Variants in SYN2 observed in about 807,000 individuals in gnomAD.
The protein encoded by SYN2 is synapsin II.
In SYN2, 19 loss-of-function variants were observed where a neutral mutation model predicts 50.9. The observed-to-expected ratio is 0.37, with a 90% CI of 0.26 to 0.55. SYN2 has a LOEUF of 0.55. SYN2 is among the 20% of genes least tolerant of loss of function. The probability of loss-of-function intolerance (pLI) is 0.81; values close to 1 mark genes in which losing one functional copy is unlikely to be tolerated. For synonymous variants in SYN2, 255 were observed against 224.9 expected (o/e 1.13, Z -1.20); for missense variants, 587 against 576.4 (o/e 1.02, Z -0.19).
At chr3:12,040,365 T>G (rs1694584440) in intron 1 of SYN2, among the ~76,000 whole-genome samples, 1 of 151,518 alleles carries the variant, frequency 6.6e-6, no homozygotes, top group Non-Finnish European at 1.5e-5. Context: ...TTACTTCTGA[T>G]GGAAGCCAGA....
chr3:12,080,812 A>G lies in SYN2; in HGVS notation c.378-59839A>G, dbSNP rs181959299. Among the ~76,000 whole-genome samples, 39 of 152,278 alleles carry G rather than the reference A, an allele frequency of 2.6e-4. 1 individual carries two copies. The highest frequency in any genetic ancestry group is 4.6e-4 in the Admixed American group (7 of 15,294). On this transcript the variant is annotated intron_variant, in intron 1 of 12. Coordinates refer to ENST00000621198, the MANE Select transcript of SYN2 (RefSeq NM_133625.6). ...GGGGTGGAGAGTTCTGTAGATATCT[A>G]TCAGGTCCACTTGATCCAGAGCTGA... is the stretch of plus-strand genomic sequence containing the variant.
intron 1 of SYN2, among the ~76,000 whole-genome samples, chr3:12,112,894 C>A (rs1198504761): frequency 6.6e-6 from 1 of 152,104 alleles, no homozygotes; most frequent in Non-Finnish European, 1.5e-5. Flanking sequence ...GTAGTAAATT[C>A]TATGATAGTC....
intron 1 of SYN2, among the ~76,000 whole-genome samples, chr3:12,085,551 A>G (rs1275341363): frequency 6.6e-6 from 1 of 152,184 alleles, no homozygotes; most frequent in Non-Finnish European, 1.5e-5. Context: ...CAGAAGTCAT[A>G]TTGCGTATCT....
At chr3:12,089,539 G>A (rs1274613830) in intron 1 of SYN2, among the ~76,000 whole-genome samples, 2 of 152,200 alleles carry the variant, frequency 1.3e-5, no homozygotes, top group Non-Finnish European at 2.9e-5. Flanking sequence ...GCTGGGTACA[G>A]CAGCATGTGC....
At chr3:12,099,520 A>G (rs1696019223) in intron 1 of SYN2, among the ~76,000 whole-genome samples, 1 of 152,196 alleles carries the variant, frequency 6.6e-6, no homozygotes, top group African/African-American at 2.4e-5. Flanking sequence ...AACATACCAT[A>G]TTGAAATCTG....
At chr3:12,134,415 G>T (rs1696853622) in intron 1 of SYN2, among the ~76,000 whole-genome samples, 1 of 152,206 alleles carries the variant, frequency 6.6e-6, no homozygotes, top group South Asian at 2.1e-4. Flanking sequence ...TCACTGTTCA[G>T]CCAGCAGTGT....
At position 12,004,793 on chromosome 3, in the gene SYN2, GCTT is replaced by G. The variant is rs1232140609; in HGVS notation, c.247_249del (p.Phe83del). 2.7e-6 allele frequency: 1 copy of G among 376,884 alleles called. No individual in the cohort carries two copies. Among genetic ancestry groups the G allele is most frequent in the Non-Finnish European group, 4.7e-6 (1 of 214,866 alleles). The allele number at this position is 376,884 out of a possible 1,614,324, so 23.3% of individuals were successfully genotyped here. A position where few individuals can be genotyped will look rare whatever the true frequency, so the allele number is the denominator to read the frequency against. ...GCGCCGACGCCGTCGGTGGGCAGCA[GCTT>G]CTTCAGCTCGCTGTCCCAAGCCGTG... On this transcript the variant is annotated inframe_deletion, in exon 1 of 13. Coordinates refer to ENST00000621198, the MANE Select transcript of SYN2 (RefSeq NM_133625.6).
At chr3:12,036,937 G>A (rs1694510673) in intron 1 of SYN2, among the ~76,000 whole-genome samples, 1 of 152,186 alleles carries the variant, frequency 6.6e-6, no homozygotes, top group African/African-American at 2.4e-5. Context: ...ACACTTTGCT[G>A]CTTAGATGTT....
chr3:12,083,731 C>A (rs1695630027), intron 1 of SYN2, among the ~76,000 whole-genome samples: 1 of 152,182 alleles, frequency 6.6e-6, no homozygotes, highest in African/African-American at 2.4e-5. Context: ...ACCTAGTGGT[C>A]TCTGGTGAGA....
At chr3:12,110,651 G>C (rs904374289) in intron 1 of SYN2, among the ~76,000 whole-genome samples, 1 of 152,180 alleles carries the variant, frequency 6.6e-6, no homozygotes, top group Admixed American at 6.5e-5. Context: ...CTTGACTTCT[G>C]TGCACTTGTA....
intron 1 of SYN2, among the ~76,000 whole-genome samples, chr3:12,114,790 C>T (rs1466935711): frequency 1.3e-5 from 2 of 152,108 alleles, no homozygotes; most frequent in Non-Finnish European, 2.9e-5. Flanking sequence ...TCTTCCCCAC[C>T]TTCTCCACAG....
At chr3:12,085,187 T>C (rs930047144) in intron 1 of SYN2, among the ~76,000 whole-genome samples, 2 of 150,222 alleles carry the variant, frequency 1.3e-5, no homozygotes, top group Admixed American at 6.6e-5. Context: ...AATGAAGGGA[T>C]GGGAAAAGAT....
chr3:12,104,258 A>G (rs969918754), intron 1 of SYN2, among the ~76,000 whole-genome samples: 1 of 152,156 alleles, frequency 6.6e-6, no homozygotes, highest in African/African-American at 2.4e-5. Flanking sequence ...TCAGCTGCCT[A>G]GCTGGGACTC....
chr3:12,100,980 CAA>C (rs1293122544), intron 1 of SYN2, among the ~76,000 whole-genome samples: 16 of 152,104 alleles, frequency 1.1e-4, no homozygotes, highest in Admixed American at 9.8e-4. Context: ...TGGACAATAA[CAA>C]GTGTTGGTGA....
At chr3:12,089,235 A>G (rs550173070) in intron 1 of SYN2, among the ~76,000 whole-genome samples, 25 of 152,322 alleles carry the variant, frequency 1.6e-4, no homozygotes, top group Non-Finnish European at 1.3e-4. Context: ...AGGCCTCACA[A>G]TCATGGTGGA....
intron 1 of SYN2, among the ~76,000 whole-genome samples, chr3:12,078,185 T>A (rs1695511727): frequency 6.7e-6 from 1 of 150,252 alleles, no homozygotes. Flanking sequence ...TGTAAATTTG[T>A]TTAAACTCTT....
intron 1 of SYN2, among the ~76,000 whole-genome samples, chr3:12,058,144 G>C (rs1467366469): frequency 1.3e-5 from 2 of 152,172 alleles, no homozygotes; most frequent in African/African-American, 4.8e-5. Flanking sequence ...AGATAAGTAG[G>C]CCATCTGGAG....
chr3:12,183,294 T>C lies in SYN2; in HGVS notation c.1309-18T>C, dbSNP rs1698263944. 8 of 1,594,880 alleles carry C rather than the reference T, an allele frequency of 5.0e-6. No homozygotes were observed. The highest frequency in any genetic ancestry group is 6.8e-6 in the Non-Finnish European group (8 of 1,174,374). On this transcript the variant is annotated intron_variant, in intron 10 of 12. Transcript: ENST00000621198. ...GGCTTGGAGTTTTGTTTTTATCTCT[T>C]ACATTTTTGTCTTCCAGAGCGGAAC...
intron 1 of SYN2, among the ~76,000 whole-genome samples, chr3:12,057,113 G>A (rs1235091455): frequency 2.0e-5 from 3 of 152,196 alleles, no homozygotes; most frequent in South Asian, 4.1e-4. Flanking sequence ...CCAACGTGGT[G>A]AAAACCCATC....
Sources: allele counts gnomAD v4.1 joint callset (sites outside exome capture counted in the v4.1 genomes callset), GRCh38; gene constraint gnomAD v4.1.1; transcripts MANE v1.5; gene names NCBI Gene and HGNC (gene_info 2026-07-23, HGNC 2026-07-21).